LSAMP: variants seen among roughly 807,000 people sequenced by gnomAD.
The protein encoded by LSAMP is limbic system associated membrane protein.
Under a neutral mutation model 38.6 loss-of-function variants are expected in LSAMP, and 7 were observed. The ratio of observed to expected loss-of-function variants is 0.18; its 90% CI spans 0.10 to 0.34. LSAMP has a LOEUF of 0.34. Among genes scored for constraint, LSAMP ranks in the 10% least tolerant of loss-of-function variants. The pLI is 1.00. For missense variants in LSAMP, 313 were observed against 420.0 expected, an observed-to-expected ratio of 0.75 and a Z score of 2.23; for synonymous variants, 154 against 166.8, an observed-to-expected ratio of 0.92 and a Z score of 0.59.
chr3:116,211,350 C>A, intron 1 of LSAMP, among the ~76,000 whole-genome samples: 1 of 152,084 alleles, frequency 6.6e-6, no homozygotes, highest in Non-Finnish European at 1.5e-5. Context: ...AGTGTTCTCT[C>A]CACAAATAAA....
chr3:116,293,170 A>C (rs2047290671), intron 1 of LSAMP, among the ~76,000 whole-genome samples: 1 of 152,124 alleles, frequency 6.6e-6, no homozygotes, highest in Non-Finnish European at 1.5e-5. Flanking sequence ...TCTGCTACCA[A>C]GGTGATTTCT....
chr3:116,133,822 C>T (rs568974113), intron 1 of LSAMP, among the ~76,000 whole-genome samples: 31 of 151,814 alleles, frequency 2.0e-4, no homozygotes, highest in Non-Finnish European at 3.8e-4. Context: ...TAGTATATAC[C>T]ACAAGATAAA....
chr3:116,165,090 G>C (rs553080397), intron 1 of LSAMP, among the ~76,000 whole-genome samples: 1 of 152,202 alleles, frequency 6.6e-6, no homozygotes, highest in Admixed American at 6.5e-5. Flanking sequence ...TCATCCAGGT[G>C]TACAGATAGT....
intron 1 of LSAMP, among the ~76,000 whole-genome samples, chr3:116,269,890 T>C (rs757997752): frequency 9.2e-5 from 14 of 152,200 alleles, no homozygotes; most frequent in Non-Finnish European, 1.6e-4. Flanking sequence ...ATACCTTATA[T>C]TGTACAATGA....
chr3:115,950,754 A>T (rs1305131317), intron 3 of LSAMP, among the ~76,000 whole-genome samples: 1 of 147,862 alleles, frequency 6.8e-6, no homozygotes, highest in African/African-American at 2.5e-5. Flanking sequence ...CCTAAAATTC[A>T]TATGGAACCA....
chr3:116,275,701 A>G (rs1387438550), intron 1 of LSAMP, among the ~76,000 whole-genome samples: 1 of 152,122 alleles, frequency 6.6e-6, no homozygotes, highest in Non-Finnish European at 1.5e-5. Flanking sequence ...GCTTCTCAAG[A>G]AGACTAAATC....
intron 1 of LSAMP, among the ~76,000 whole-genome samples, chr3:116,397,582 T>G (rs1445118000): frequency 6.6e-6 from 1 of 152,182 alleles, no homozygotes; most frequent in African/African-American, 2.4e-5. Context: ...TTCATTACTT[T>G]AGTGCCCAGT....
chr3:116,274,236 A>ATAAT (rs2047017504), intron 1 of LSAMP, among the ~76,000 whole-genome samples: 1 of 152,204 alleles, frequency 6.6e-6, no homozygotes, highest in Admixed American at 6.5e-5. Flanking sequence ...ATGATTACAA[A>ATAAT]TAATTGTTAT....
intron 1 of LSAMP, among the ~76,000 whole-genome samples, chr3:116,104,497 T>C (rs1401943488): frequency 6.6e-6 from 1 of 151,748 alleles, no homozygotes; most frequent in Middle Eastern, 3.4e-3. Context: ...CGGGGAGAAA[T>C]CTAATATGAT....
intron 1 of LSAMP, among the ~76,000 whole-genome samples, chr3:116,192,566 G>C (rs758574227): frequency 4.6e-5 from 7 of 152,166 alleles, no homozygotes; most frequent in African/African-American, 7.2e-5. Flanking sequence ...GTGGGAATGA[G>C]ATTAGAGAGA....
intron 1 of LSAMP, among the ~76,000 whole-genome samples, chr3:116,146,811 T>A (rs946679403): frequency 6.6e-5 from 10 of 151,914 alleles, no homozygotes; most frequent in South Asian, 4.1e-4. Context: ...TGGTAAAAGT[T>A]GTAGGCAGAT....
chr3:115,981,392 G>GT (rs34983746), intron 3 of LSAMP, among the ~76,000 whole-genome samples: 21,651 of 151,538 alleles, frequency 0.14, 1,854 homozygotes, highest in Non-Finnish European at 0.2. Context: ...TTGAGCTTCT[G>GT]TTTTTTTCCC....
chr3:116,000,692 CAT>C (rs1262464074), intron 3 of LSAMP, among the ~76,000 whole-genome samples: 1 of 152,138 alleles, frequency 6.6e-6, no homozygotes, highest in African/African-American at 2.4e-5. Flanking sequence ...TCAAGTAACA[CAT>C]GTTATCAGGT....
At chr3:115,967,356 C>T (rs189832578) in intron 3 of LSAMP, among the ~76,000 whole-genome samples, 50 of 152,282 alleles carry the variant, frequency 3.3e-4, no homozygotes, top group African/African-American at 1.2e-3. Flanking sequence ...TTTGAGACCA[C>T]CTCAGGCTGG....
chr3:116,224,832 A>G (rs1440823856), intron 1 of LSAMP, among the ~76,000 whole-genome samples: 1 of 152,218 alleles, frequency 6.6e-6, no homozygotes, highest in Admixed American at 6.5e-5. Flanking sequence ...CCCTCGAATG[A>G]TCTTCCAAAT....
At chr3:116,020,607 G>T (rs1043765198) in intron 2 of LSAMP, among the ~76,000 whole-genome samples, 1 of 152,092 alleles carries the variant, frequency 6.6e-6, no homozygotes, top group East Asian at 1.9e-4. Flanking sequence ...TTTTGGTGAC[G>T]TGAGAAATGA....
At chr3:116,418,034 G>T (rs1308411225) in intron 1 of LSAMP, among the ~76,000 whole-genome samples, 2 of 152,158 alleles carry the variant, frequency 1.3e-5, no homozygotes, top group Non-Finnish European at 2.9e-5. Flanking sequence ...ATCTTAAAAA[G>T]TTGTGCCATT....
At chr3:116,396,169 C>T (rs1467285960) in intron 1 of LSAMP, among the ~76,000 whole-genome samples, 2 of 152,084 alleles carry the variant, frequency 1.3e-5, no homozygotes, top group Non-Finnish European at 2.9e-5. Context: ...GAAAACAATG[C>T]ATTAATCTGT....
chr3:116,090,919 T>A (rs1387884970), intron 1 of LSAMP, among the ~76,000 whole-genome samples: 1 of 152,196 alleles, frequency 6.6e-6, no homozygotes. Context: ...CTAATGAAGT[T>A]TCGGGCACCA....
Sources: gnomAD v4.1 joint callset for allele counts (sites outside exome capture counted in the v4.1 genomes callset) on GRCh38, gnomAD v4.1.1 for gene constraint, MANE v1.5 for transcripts, NCBI Gene and HGNC (gene_info 2026-07-23, HGNC 2026-07-21) for gene names.